DTWD2: variants seen among roughly 807,000 people sequenced by gnomAD.
DTWD2 encodes tRNA-uridine aminocarboxypropyltransferase 2.
In DTWD2, 39 loss-of-function variants were observed where a neutral mutation model predicts 31.8. The observed-to-expected ratio is 1.22, with a 90% CI of 0.95 to 1.60. The LOEUF (loss-of-function observed/expected upper bound fraction) is 1.60. Among genes scored for constraint, DTWD2 ranks in the 40% most tolerant of loss-of-function variants. The pLI is 0.00. For missense variants in DTWD2, 515 were observed against 381.5 expected (o/e 1.35, Z -2.92); for synonymous variants, 180 against 142.8 (o/e 1.26, Z -1.86).
intron 4 of DTWD2, among the ~76,000 whole-genome samples, chr5:118,859,482 A>T (rs1247473323): frequency 6.6e-6 from 1 of 152,208 alleles, no homozygotes; most frequent in Non-Finnish European, 1.5e-5. Context: ...TCCAGACATT[A>T]ATATTTTAGA....
At chr5:118,973,987 G>C (rs770839212) in intron 1 of DTWD2, 12 of 1,588,364 alleles carry the variant, frequency 7.6e-6, no homozygotes, top group Admixed American at 6.7e-5. Context: ...AGGAAGAGGA[G>C]GAGGAAGAAG....
chr5:118,904,970 A>T, intron 4 of DTWD2, among the ~76,000 whole-genome samples: 1 of 152,260 alleles, frequency 6.6e-6, no homozygotes, highest in Non-Finnish European at 1.5e-5. Context: ...GCAGTATAAG[A>T]ACTCCAAGAA....
At chr5:118,941,893 T>C (rs904670108) in intron 2 of DTWD2, among the ~76,000 whole-genome samples, 3 of 152,234 alleles carry the variant, frequency 2.0e-5, no homozygotes, top group African/African-American at 7.2e-5. Flanking sequence ...AGATGATATC[T>C]CATTGTGGTT....
At chr5:118,987,301 G>C (rs1755450563) in intron 1 of DTWD2, among the ~76,000 whole-genome samples, 1 of 152,068 alleles carries the variant, frequency 6.6e-6, no homozygotes, top group Non-Finnish European at 1.5e-5. Context: ...ACTATACATA[G>C]TACATTTAGA....
rs535387819 is a variant in DTWD2 at position 118,965,314 on chromosome 5, G to A, written c.219-20665C>T. On this transcript the variant is annotated intron_variant, in intron 1 of 5. Transcript: ENST00000510708. Reference sequence around the variant, plus strand: ...CCTCCCCGTCCGGGAGGTGGGGGGCGTCTCCGCTCAGCCGCCACCCCGTCC... The same window carrying A: ...CCTCCCCGTCCGGGAGGTGGGGGGCATCTCCGCTCAGCCGCCACCCCGTCC... Among the ~76,000 whole-genome samples the A allele has an allele frequency of 1.1e-3, 155 of 143,772 alleles. 2 individuals are homozygous for A. Among genetic ancestry groups the A allele is most frequent in the African/African-American group, 3.8e-3 (145 of 38,382 alleles). The allele number at this position is 143,772 out of a possible 152,430, so 94.3% of individuals were successfully genotyped here.
intron 4 of DTWD2, among the ~76,000 whole-genome samples, chr5:118,909,193 T>C (rs981655203): frequency 2.0e-5 from 3 of 152,206 alleles, no homozygotes; most frequent in Non-Finnish European, 2.9e-5. Flanking sequence ...CAAAGAAGTG[T>C]GTGGCCTATT....
At chr5:118,890,930 T>C (rs1580789818) in intron 4 of DTWD2, among the ~76,000 whole-genome samples, 1 of 152,020 alleles carries the variant, frequency 6.6e-6, no homozygotes, top group East Asian at 1.9e-4. Flanking sequence ...GGTAAAATTT[T>C]TAAATAAATA....
intron 2 of DTWD2, among the ~76,000 whole-genome samples, chr5:118,943,507 C>T (rs1247502765): frequency 3.3e-5 from 5 of 149,522 alleles, no homozygotes; most frequent in East Asian, 2.0e-4. Context: ...GCTGAGATCG[C>T]GCCACTGCAC....
At chr5:118,862,919 G>A (rs1007202586) in intron 4 of DTWD2, among the ~76,000 whole-genome samples, 1 of 152,166 alleles carries the variant, frequency 6.6e-6, no homozygotes, top group African/African-American at 2.4e-5. Flanking sequence ...CTGATAAAAG[G>A]AGAGAGAGAT....
intron 4 of DTWD2, among the ~76,000 whole-genome samples, chr5:118,924,207 C>T (rs755257070): frequency 1.3e-5 from 2 of 152,190 alleles, no homozygotes; most frequent in African/African-American, 2.4e-5. Flanking sequence ...CATGTCATAT[C>T]CTACTGGAAG....
At position 118,973,079 on chromosome 5, in the gene DTWD2, C is replaced by CT. The variant is rs767993540; in HGVS notation, c.218+15214dup. On this transcript the variant is annotated intron_variant, in intron 1 of 5. Transcript: ENST00000510708. ...TATCAGAAACTAGGATTGCAACCCC[C>CT]TTTTTTTTTTTTTTTTTTGGCTTTC... is the stretch of plus-strand genomic sequence containing the variant. Among the ~76,000 whole-genome samples the CT allele has an allele frequency of 6.7e-3, 934 of 139,952 alleles. 7 individuals are homozygous for CT. The highest frequency in any genetic ancestry group is 0.02 in the African/African-American group (758 of 37,106). The allele number at this position is 139,952 out of a possible 152,430, so 91.8% of individuals were successfully genotyped here.
chr5:118,961,040 T>C (rs1363307914), intron 1 of DTWD2, among the ~76,000 whole-genome samples: 1 of 150,892 alleles, frequency 6.6e-6, no homozygotes, highest in Non-Finnish European at 1.5e-5. Context: ...AATTTATCTA[T>C]AGATCCAACC....
chr5:118,880,521 T>C (rs972969898), intron 4 of DTWD2, among the ~76,000 whole-genome samples: 2 of 152,172 alleles, frequency 1.3e-5, no homozygotes, highest in African/African-American at 2.4e-5. Context: ...TCAGCTTTTT[T>C]CCATTTACAG....
At chr5:118,899,628 T>A (rs935317221) in intron 4 of DTWD2, among the ~76,000 whole-genome samples, 9 of 151,990 alleles carry the variant, frequency 5.9e-5, no homozygotes, top group African/African-American at 2.2e-4. Context: ...AGTACCCAAG[T>A]CAAGAAGCAA....
chr5:118,870,868 A>C (rs1197959851), intron 4 of DTWD2, among the ~76,000 whole-genome samples: 4 of 151,396 alleles, frequency 2.6e-5, no homozygotes, highest in Admixed American at 2.6e-4. Flanking sequence ...CTTTTTTCAA[A>C]ACTGGAGTCA....
intron 1 of DTWD2, among the ~76,000 whole-genome samples, chr5:118,946,741 AAAAC>A (rs897990570): frequency 1.3e-5 from 2 of 152,068 alleles, no homozygotes; most frequent in African/African-American, 2.4e-5. Flanking sequence ...TTAATCTTTA[AAAAC>A]AAACAAACAA....
At chr5:118,921,531 AAAAG>A (rs779597098) in intron 4 of DTWD2, among the ~76,000 whole-genome samples, 4 of 151,890 alleles carry the variant, frequency 2.6e-5, no homozygotes, top group African/African-American at 4.8e-5. Flanking sequence ...TAAAAAAAAA[AAAAG>A]AAAGAAAGAA....
Position 118,884,996 on chromosome 5 carries a change from C to CAAAAAAAAAAAAAA in DTWD2, c.598-36792_598-36779dup, listed in dbSNP as rs36042211. Among the ~76,000 whole-genome samples, 13 of 49,746 alleles carry CAAAAAAAAAAAAAA rather than the reference C, an allele frequency of 2.6e-4. 1 individual carries two copies. The highest frequency in any genetic ancestry group is 1.1e-3 in the African/African-American group (13 of 11,998). 32.6% of individuals were successfully genotyped at this position (49,746 alleles called of 152,430 possible). A position where few individuals can be genotyped will look rare whatever the true frequency, so the allele number is the denominator to read the frequency against. ...GGGGGACAGAGTGAGACTCCATCTC[C>CAAAAAAAAAAAAAA]AAAAAAAAAAAAAAAAAAAAAAATC... On this transcript the variant is annotated intron_variant, in intron 4 of 5. Coordinates refer to ENST00000510708, the MANE Select transcript of DTWD2 (RefSeq NM_173666.4).
At chr5:118,879,816 G>A (rs183268676) in intron 4 of DTWD2, among the ~76,000 whole-genome samples, 1 of 152,064 alleles carries the variant, frequency 6.6e-6, no homozygotes, top group African/African-American at 2.4e-5. Flanking sequence ...GTAGAGAGTG[G>A]GAGGAGGGAG....
Sources: allele counts gnomAD v4.1 joint callset (sites outside exome capture counted in the v4.1 genomes callset), GRCh38; gene constraint gnomAD v4.1.1; transcripts MANE v1.5; gene names NCBI Gene and HGNC (gene_info 2026-07-23, HGNC 2026-07-21).